Variants in ARID5B observed in about 807,000 individuals in gnomAD.
The protein encoded by ARID5B is AT-rich interactive domain-containing protein 5B.
Under a neutral mutation model 97.2 loss-of-function variants are expected in ARID5B, and 13 were observed. The observed-to-expected ratio is 0.13, with a 90% CI of 0.09 to 0.21. ARID5B has a LOEUF of 0.21. ARID5B is among the 10% of genes least tolerant of loss of function. The pLI is 1.00. For missense variants in ARID5B, 1,210 were observed against 1,465.3 expected (o/e 0.83, Z 2.84); for synonymous variants, 556 against 570.3 (o/e 0.97, Z 0.36).
intron 3 of ARID5B, among the ~76,000 whole-genome samples, chr10:61,975,777 A>G (rs966846202): frequency 6.6e-6 from 1 of 152,196 alleles, no homozygotes; most frequent in Admixed American, 6.5e-5. Flanking sequence ...ATGGATGTAA[A>G]TTCTGAGCAA....
At chr10:61,948,682 A>G (rs1251425760) in intron 3 of ARID5B, among the ~76,000 whole-genome samples, 2 of 151,806 alleles carry the variant, frequency 1.3e-5, no homozygotes, top group African/African-American at 2.4e-5. Context: ...ATTTTTTTAT[A>G]CCATTTAACT....
intron 4 of ARID5B, among the ~76,000 whole-genome samples, chr10:62,046,085 T>C (rs893245062): frequency 6.6e-5 from 10 of 152,236 alleles, no homozygotes; most frequent in Admixed American, 2.0e-4. Flanking sequence ...TGTAGCTGTG[T>C]TGGCAACAAG....
intron 2 of ARID5B, among the ~76,000 whole-genome samples, chr10:61,929,719 A>G (rs1299047103): frequency 6.6e-6 from 1 of 152,166 alleles, no homozygotes; most frequent in South Asian, 2.1e-4. Flanking sequence ...CTTTGAGGGA[A>G]TTACATCCGG....
intron 4 of ARID5B, among the ~76,000 whole-genome samples, chr10:62,043,058 T>C (rs373334079): frequency 6.6e-6 from 1 of 152,190 alleles, no homozygotes. Context: ...GCATAGGCTC[T>C]TGCACAGCAG....
chr10:61,954,631 G>T (rs957160655), intron 3 of ARID5B, among the ~76,000 whole-genome samples: 4 of 152,166 alleles, frequency 2.6e-5, no homozygotes, highest in African/African-American at 9.7e-5. Context: ...TTTATTGGAT[G>T]TGCATGAGTA....
At chr10:61,964,453 A>G (rs954584400) in intron 3 of ARID5B, among the ~76,000 whole-genome samples, 3 of 152,142 alleles carry the variant, frequency 2.0e-5, no homozygotes, top group Non-Finnish European at 4.4e-5. Context: ...CTGAAATCCC[A>G]CCCTATAATG....
At chr10:62,022,927 C>T (rs1009359519) in intron 4 of ARID5B, among the ~76,000 whole-genome samples, 6 of 152,212 alleles carry the variant, frequency 3.9e-5, no homozygotes, top group African/African-American at 1.2e-4. Flanking sequence ...ACCCGTGGTG[C>T]CCGTGTTAAC....
At chr10:61,998,924 A>G (rs556914407) in intron 3 of ARID5B, among the ~76,000 whole-genome samples, 1 of 152,346 alleles carries the variant, frequency 6.6e-6, no homozygotes, top group East Asian at 1.9e-4. Context: ...CTTTTGGATC[A>G]ACCAGGGGTT....
At chr10:62,034,065 C>T (rs923849018) in intron 4 of ARID5B, among the ~76,000 whole-genome samples, 3 of 152,104 alleles carry the variant, frequency 2.0e-5, no homozygotes, top group Admixed American at 2.0e-4. Flanking sequence ...TTAAATGGAG[C>T]GGATGGTTTT....
At chr10:62,033,476 A>G (rs961450833) in intron 4 of ARID5B, among the ~76,000 whole-genome samples, 5 of 152,222 alleles carry the variant, frequency 3.3e-5, no homozygotes, top group Admixed American at 2.0e-4. Context: ...AGCATAGACA[A>G]CAGTTCAGGC....
chr10:62,072,582 G>A lies in ARID5B; in HGVS notation c.1199+2785G>A, dbSNP rs561413907. Among the ~76,000 whole-genome samples the A allele has an allele frequency of 3.9e-5, 6 of 152,332 alleles. No homozygotes were observed. The East Asian group carries it at 1.2e-3, about 29-fold the overall frequency. Reference sequence around the variant, plus strand: ...TGTGGCAACACCAAAAATTGGCAGTGTGGAGCCTCCAACTGTGTTGTTGGA... The same window carrying A: ...TGTGGCAACACCAAAAATTGGCAGTATGGAGCCTCCAACTGTGTTGTTGGA... On this transcript the variant is annotated intron_variant, in intron 8 of 9. Transcript: ENST00000279873.
chr10:62,015,627 GTTGTTTTC>G (rs1473829633), intron 4 of ARID5B, among the ~76,000 whole-genome samples: 1 of 151,886 alleles, frequency 6.6e-6, no homozygotes, highest in Non-Finnish European at 1.5e-5. Flanking sequence ...TTTTGTTGTT[GTTGTTTTC>G]TTTTTTGAGA....
intron 2 of ARID5B, among the ~76,000 whole-genome samples, chr10:61,930,199 A>G (rs1378416116): frequency 6.6e-6 from 1 of 152,236 alleles, no homozygotes; most frequent in Non-Finnish European, 1.5e-5. Flanking sequence ...AGATGGAATG[A>G]GGAAGAAGAG....
intron 3 of ARID5B, among the ~76,000 whole-genome samples, chr10:61,984,801 G>A (rs1288025777): frequency 6.6e-6 from 1 of 152,136 alleles, no homozygotes; most frequent in Middle Eastern, 3.2e-3. Context: ...AGTCCTCACT[G>A]GTTCATACCA....
chr10:61,910,076 T>C (rs1267041242), intron 2 of ARID5B, among the ~76,000 whole-genome samples: 2 of 152,214 alleles, frequency 1.3e-5, no homozygotes, highest in African/African-American at 4.8e-5. Flanking sequence ...CTGATGGTCT[T>C]AACTAAGCCA....
Position 61,976,003 on chromosome 10 carries a change from A to G in ARID5B, c.503-24088A>G, listed in dbSNP as rs966650777. Among the ~76,000 whole-genome samples, 3 of 152,210 alleles carry G rather than the reference A, an allele frequency of 2.0e-5. No individual in the cohort carries two copies. In the South Asian group the frequency reaches 6.2e-4, roughly 31 times the overall value. On this transcript the variant is annotated intron_variant, in intron 3 of 9. Transcript: ENST00000279873. ...AAGAATCTCAGTTCCTTAAGCATTT[A>G]TTAGAGCTTTTAATACATGTCAGAC...
chr10:61,907,971 T>A (rs1028498869), intron 2 of ARID5B, among the ~76,000 whole-genome samples: 2 of 152,242 alleles, frequency 1.3e-5, no homozygotes, highest in Non-Finnish European at 2.9e-5. Flanking sequence ...GTACCTATTT[T>A]TCTTTCTTGA....
intron 8 of ARID5B, among the ~76,000 whole-genome samples, chr10:62,078,780 T>C (rs1470633507): frequency 3.9e-5 from 6 of 152,178 alleles, no homozygotes; most frequent in Admixed American, 2.0e-4. Flanking sequence ...GGAGACATCA[T>C]AGAAAGCCCC....
intron 3 of ARID5B, among the ~76,000 whole-genome samples, chr10:61,946,156 A>G (rs912359811): frequency 1.3e-5 from 2 of 151,642 alleles, no homozygotes; most frequent in Non-Finnish European, 2.9e-5. Flanking sequence ...GGCCAGTTGT[A>G]TAGGATATCT....
Sources: allele counts gnomAD v4.1 joint callset (sites outside exome capture counted in the v4.1 genomes callset), GRCh38; gene constraint gnomAD v4.1.1; transcripts MANE v1.5; gene names NCBI Gene and HGNC (gene_info 2026-07-23, HGNC 2026-07-21).